ADD3: variants seen among roughly 807,000 people sequenced by gnomAD.
The protein encoded by ADD3 is adducin 3, also known as gamma-adducin.
A neutral mutation model predicts 80.2 loss-of-function variants in ADD3; 25 were observed. The ratio of observed to expected loss-of-function variants is 0.31; its 90% CI spans 0.23 to 0.44. ADD3 has a LOEUF of 0.44. Among genes scored for constraint, ADD3 ranks in the 20% least tolerant of loss-of-function variants. ADD3 has a pLI of 1.00. For synonymous variants in ADD3, 284 were observed against 289.6 expected (o/e 0.98, Z 0.20); for missense variants, 829 against 847.5 (o/e 0.98, Z 0.27).
chr10:110,112,777 G>C lies in ADD3; in HGVS notation c.196G>C (p.Ala66Pro). ...CAGTCTTTATTTTTGTGTATTACAGGCCTTTCGGGAAGACTTGGAATGCCT... is the reference window on the plus strand; with the variant it reads ...CAGTCTTTATTTTTGTGTATTACAGCCCTTTCGGGAAGACTTGGAATGCCT... ...KRVTQILQSPAFREDLECLIQ... is the reference protein window; with the variant it reads ...KRVTQILQSPPFREDLECLIQ... Residue 66 changes from alanine to proline, a missense_variant and splice_region_variant, in exon 3 of 15, where the codon GCC becomes CCC. By Grantham distance (27) the Ala-to-Pro change is conservative. Coordinates refer to ENST00000356080, the MANE Select transcript of ADD3 (RefSeq NM_016824.5). The C allele has an allele frequency of 6.2e-7, 1 of 1,612,350 alleles. No individual in the cohort carries two copies. Among genetic ancestry groups the C allele is most frequent in the Non-Finnish European group, 8.5e-7 (1 of 1,179,358 alleles).
chr10:110,012,413 C>T (rs1226383990), intron 1 of ADD3, among the ~76,000 whole-genome samples: 1 of 152,180 alleles, frequency 6.6e-6, no homozygotes, highest in African/African-American at 2.4e-5. Flanking sequence ...GAATCAGAGC[C>T]CCTTGTTTCC....
At position 110,100,735 on chromosome 10, in the gene ADD3, A is replaced by G; in HGVS notation, c.82A>G (p.Ile28Val). Residue 28 changes from isoleucine (I) to valine (V), a missense_variant, in exon 2 of 15, where the codon ATC (isoleucine) becomes GTC (valine). Ile to Val is a conservative substitution (Grantham distance 29). Coordinates refer to ENST00000356080, the MANE Select transcript of ADD3 (RefSeq NM_016824.5). The part of the protein sequence containing the change: ...MPHKERYFDR[I>V]NENDPEYIRE... ...TCACAAAGAGAGATATTTTGACCGC[A>G]TCAATGAAAATGACCCAGAATACAT... 3 of 1,614,098 alleles carry G rather than the reference A, an allele frequency of 1.9e-6. No homozygotes were observed. The highest frequency in any genetic ancestry group is 1.7e-6 in the Non-Finnish European group (2 of 1,179,970).
upstream of ADD3, among the ~76,000 whole-genome samples, chr10:110,003,352 G>A (rs1851526214): frequency 7.0e-6 from 1 of 143,528 alleles, no homozygotes; most frequent in Non-Finnish European, 1.5e-5. Context: ...GAGGAAGAGA[G>A]AAAGATAAAC....
intron 1 of ADD3, among the ~76,000 whole-genome samples, chr10:110,050,827 C>T (rs923892166): frequency 5.9e-5 from 9 of 152,060 alleles, no homozygotes; most frequent in African/African-American, 1.7e-4. Context: ...TACCCAGTGT[C>T]AGGTATGTTT....
At chr10:110,035,783 C>T (rs201370896) in intron 1 of ADD3, among the ~76,000 whole-genome samples, 1 of 129,586 alleles carries the variant, frequency 7.7e-6, no homozygotes, top group African/African-American at 4.8e-5. Flanking sequence ...GTTTGAGACT[C>T]AGTGTTTTTT....
chr10:110,052,424 G>A (rs1451645202), intron 1 of ADD3, among the ~76,000 whole-genome samples: 11 of 152,190 alleles, frequency 7.2e-5, no homozygotes, highest in Non-Finnish European at 1.6e-4. Context: ...ATCAGTGGTA[G>A]CATTAGATTC....
At chr10:110,106,537 C>T (rs567092069) in intron 2 of ADD3, among the ~76,000 whole-genome samples, 1 of 152,052 alleles carries the variant, frequency 6.6e-6, no homozygotes, top group Non-Finnish European at 1.5e-5. Context: ...CTACATGAAT[C>T]TCACATCTCT....
chr10:110,052,361 G>A (rs1277687796), intron 1 of ADD3, among the ~76,000 whole-genome samples: 2 of 152,166 alleles, frequency 1.3e-5, no homozygotes, highest in Non-Finnish European at 2.9e-5. Flanking sequence ...GTTAGGAACC[G>A]GGCTGTGTGG....
In ADD3 at chr10:110,024,202, A is replaced by G. The variant is rs1247673178; in HGVS notation, c.-30+15903A>G. On this transcript the variant is annotated intron_variant, in intron 1 of 14. Coordinates refer to ENST00000356080, the MANE Select transcript of ADD3 (RefSeq NM_016824.5). ...ATAAACAGAACTTTTGTGCAATGGAATAACAAAAGAATTGAAGGCATTGGG... is the reference window on the plus strand; with the variant it reads ...ATAAACAGAACTTTTGTGCAATGGAGTAACAAAAGAATTGAAGGCATTGGG... Among the ~76,000 whole-genome samples the G allele has an allele frequency of 2.0e-5, 3 of 152,242 alleles. No homozygotes were observed. The East Asian group carries it at 5.8e-4, about 29-fold the overall frequency.
intron 1 of ADD3, among the ~76,000 whole-genome samples, chr10:110,036,123 C>T (rs1292124338): frequency 2.6e-5 from 4 of 152,090 alleles, no homozygotes; most frequent in East Asian, 3.9e-4. Context: ...TGCACTCCAG[C>T]GTGGGCAACA....
upstream of ADD3, among the ~76,000 whole-genome samples, chr10:110,005,563 T>C (rs750038592): frequency 3.9e-5 from 6 of 152,232 alleles, no homozygotes; most frequent in Non-Finnish European, 7.3e-5. Context: ...ATAGTTATTA[T>C]TTTAGTACGA....
At chr10:110,029,636 G>A (rs1487505594) in intron 1 of ADD3, among the ~76,000 whole-genome samples, 2 of 152,124 alleles carry the variant, frequency 1.3e-5, no homozygotes, top group African/African-American at 2.4e-5. Flanking sequence ...CCTCATCTGT[G>A]GTAATGTTCT....
intron 1 of ADD3, among the ~76,000 whole-genome samples, chr10:110,027,542 CT>C (rs1854456331): frequency 6.6e-6 from 1 of 152,104 alleles, no homozygotes; most frequent in South Asian, 2.1e-4. Context: ...AAAATTTTTA[CT>C]CAGTCCTGTC....
chr10:110,079,716 T>C (rs1845846212), intron 1 of ADD3, among the ~76,000 whole-genome samples: 1 of 151,972 alleles, frequency 6.6e-6, no homozygotes, highest in Non-Finnish European at 1.5e-5. Context: ...AATTTTTGTA[T>C]TTTTAGTAGA....
chr10:110,049,751 G>T (rs1857288233), intron 1 of ADD3, among the ~76,000 whole-genome samples: 1 of 152,162 alleles, frequency 6.6e-6, no homozygotes, highest in African/African-American at 2.4e-5. Flanking sequence ...GCTGGGCGTT[G>T]TGGCAGGCGC....
intron 1 of ADD3, among the ~76,000 whole-genome samples, chr10:110,018,526 CAAAAAAAAAAAAAA>C (rs59949041): frequency 2.0e-5 from 1 of 49,508 alleles, no homozygotes; most frequent in South Asian, 1.3e-3. Context: ...GACTTTGTCT[CAAAAAAAAAAAAAA>C]AAAAAAAAAA....
intron 1 of ADD3, among the ~76,000 whole-genome samples, chr10:110,020,787 A>C (rs1853580335): frequency 6.6e-6 from 1 of 152,226 alleles, no homozygotes; most frequent in Non-Finnish European, 1.5e-5. Flanking sequence ...TTTTAAAGAT[A>C]GAATCAATAG....
At chr10:110,022,526 T>G (rs1242920656) in intron 1 of ADD3, among the ~76,000 whole-genome samples, 1 of 152,206 alleles carries the variant, frequency 6.6e-6, no homozygotes, top group Non-Finnish European at 1.5e-5. Context: ...TATATATTTA[T>G]GTAATTTTCT....
At chr10:110,079,800 C>G (rs1360416970) in intron 1 of ADD3, among the ~76,000 whole-genome samples, 1 of 152,158 alleles carries the variant, frequency 6.6e-6, no homozygotes, top group Non-Finnish European at 1.5e-5. Context: ...CTCAGCCTCC[C>G]AAAGTGCTGG....
Sources: allele counts gnomAD v4.1 joint callset (sites outside exome capture counted in the v4.1 genomes callset), GRCh38; gene constraint gnomAD v4.1.1; transcripts MANE v1.5; gene names NCBI Gene and HGNC (gene_info 2026-07-23, HGNC 2026-07-21).